F13B: variants seen among roughly 807,000 people sequenced by gnomAD.
The protein encoded by F13B is TGase.
F13B carries 58 observed loss-of-function variants against 79.8 expected under a neutral mutation model. That is an observed-to-expected ratio of 0.73 (90% CI 0.59 to 0.90). The LOEUF is 0.90. Ranked by LOEUF, F13B falls within the 40% of genes least tolerant of loss-of-function variation. The pLI, the probability that F13B is intolerant of heterozygous loss-of-function variation, is 0.00. For missense variants in F13B, 773 were observed against 777.0 expected, an observed-to-expected ratio of 0.99 and a Z score of 0.06; for synonymous variants, 283 against 260.3, an observed-to-expected ratio of 1.09 and a Z score of -0.84.
intron 1 of F13B, among the ~76,000 whole-genome samples, chr1:197,065,539 T>C (rs1571573390): frequency 6.6e-6 from 1 of 152,114 alleles, no homozygotes; most frequent in Non-Finnish European, 1.5e-5. Context: ...ATATGAGGTG[T>C]TGGTGAGAAT....
At chr1:197,056,142 A>T (rs1025337139) in intron 7 of F13B, among the ~76,000 whole-genome samples, 2 of 152,154 alleles carry the variant, frequency 1.3e-5, no homozygotes, top group Non-Finnish European at 2.9e-5. Context: ...TGAAGGAATT[A>T]TGATATACAC....
intron 10 of F13B, among the ~76,000 whole-genome samples, chr1:197,047,984 CT>C (rs1655296282): frequency 6.6e-6 from 1 of 151,972 alleles, no homozygotes; most frequent in African/African-American, 2.4e-5. Context: ...ACACCAGGGC[CT>C]GTCTGTGGGG....
chr1:197,046,490 C>T (rs1389120241), intron 10 of F13B, among the ~76,000 whole-genome samples: 1 of 152,094 alleles, frequency 6.6e-6, no homozygotes, highest in Non-Finnish European at 1.5e-5. Context: ...AACTACTAAC[C>T]ACTGCCCAAC....
At chr1:197,054,831 CT>C (rs1312558505) in intron 8 of F13B, among the ~76,000 whole-genome samples, 1 of 151,934 alleles carries the variant, frequency 6.6e-6, no homozygotes, top group East Asian at 1.9e-4. Flanking sequence ...GCAGAACAAA[CT>C]TTCTGATAGA....
In F13B at chr1:197,060,930, T is replaced by C; in HGVS notation, c.597A>G (p.Thr199=). The C allele has an allele frequency of 6.2e-7, 1 of 1,613,306 alleles. No individual in the cohort carries two copies. Among genetic ancestry groups the C allele is most frequent in the Non-Finnish European group, 8.5e-7 (1 of 1,179,472 alleles). ...GKKTEEVECL[T]YGWSLTPKCT... ...ATTTTGGTGTGAGAGACCATCCGTA[T>C]GTGAGACATTCTACCTCCTCTGTCT... Residue 199 remains threonine (T), a synonymous_variant, in exon 4 of 12, where the codon ACA becomes ACG. Coordinates refer to ENST00000367412, the MANE Select transcript of F13B (RefSeq NM_001994.3).
intron 1 of F13B, 50 bp downstream of exon 1, chr1:197,067,110 T>C (rs1370619314): frequency 9.4e-7 from 1 of 1,060,996 alleles, no homozygotes; most frequent in Admixed American, 1.8e-5. Context: ...AATATTAGAA[T>C]CTCCATTTGT....
intron 4 of F13B, 43 bp from the exon 5 acceptor site, chr1:197,060,585 T>G (rs1655816134): frequency 1.4e-6 from 2 of 1,394,176 alleles, no homozygotes; most frequent in South Asian, 2.5e-5. Flanking sequence ...AAATGTTTAT[T>G]TTTTCTGCTA....
At chr1:197,065,503 T>C (rs1332995671) in intron 1 of F13B, among the ~76,000 whole-genome samples, 1 of 152,148 alleles carries the variant, frequency 6.6e-6, no homozygotes, top group African/African-American at 2.4e-5. Context: ...TGAATAACCA[T>C]ATAGCAACCA....
At chr1:197,050,952 GAC>G in intron 9 of F13B, 73 bp from the exon 10 acceptor site, 1 of 1,294,660 alleles carries the variant, frequency 7.7e-7, no homozygotes. Context: ...GTGCTACAGA[GAC>G]AGAGTCTCCC....
At chr1:197,040,442 A>G (rs182784658) in intron 11 of F13B, 80 bp downstream of exon 11, 1 of 978,616 alleles carries the variant, frequency 1.0e-6, no homozygotes, top group African/African-American at 1.6e-5. Context: ...TATGAGTGGT[A>G]TAGAACATAA....
chr1:197,052,794 G>C lies in F13B; in HGVS notation c.1395C>G (p.Asn465Lys). The stretch of plus-strand genomic sequence containing the variant: ...CTTCATATTTCCACTTCATTTCTAT[G>C]TTATTTCTGTTCATGTAATCCACAT... ...TVNVDYMNRN[N>K]IEMKWKYEGK... The change falls in exon 9 of 12, where the codon AAC becomes AAG. Residue 465 changes from asparagine (N) to lysine (K), a missense_variant. By Grantham distance (94) the Asn-to-Lys change is moderately conservative (BLOSUM62 0). Transcript: ENST00000367412. 1 of 1,610,190 alleles carries C rather than the reference G, an allele frequency of 6.2e-7. No homozygotes were observed. The highest frequency in any genetic ancestry group is 8.5e-7 in the Non-Finnish European group (1 of 1,178,400).
At chr1:197,049,524 T>A (rs987849864) in intron 10 of F13B, among the ~76,000 whole-genome samples, 1 of 152,042 alleles carries the variant, frequency 6.6e-6, no homozygotes, top group Non-Finnish European at 1.5e-5. Context: ...CTACCAAAAC[T>A]GACAGAAGAA....
At chr1:197,045,837 C>T (rs1392626260) in intron 10 of F13B, among the ~76,000 whole-genome samples, 5 of 152,188 alleles carry the variant, frequency 3.3e-5, no homozygotes, top group Admixed American at 2.6e-4. Context: ...GGCTTCATCC[C>T]TGGGATGCAA....
intron 7 of F13B, 127 bp downstream of exon 7, chr1:197,056,886 G>T: frequency 1.2e-6 from 1 of 837,192 alleles, no homozygotes; most frequent in Non-Finnish European, 1.9e-6. Flanking sequence ...AAGAGTAGGT[G>T]CTGTAGCAAT....
Position 197,046,564 on chromosome 1 carries a change from A to G in F13B, c.1738+4133T>C, listed in dbSNP as rs77367017. ...ATGCTCATGGATAGGAAGAATCAAT[A>G]TCGTGAAAATGGCCATGCTGCCTAA... On this transcript the variant is annotated intron_variant, in intron 10 of 11. Transcript: ENST00000367412. Among the ~76,000 whole-genome samples, 4 of 152,334 alleles carry G rather than the reference A, an allele frequency of 2.6e-5. No individual in the cohort carries two copies. In the East Asian group the frequency reaches 7.7e-4, roughly 29 times the overall value.
chr1:197,057,445 G>A lies in F13B; in HGVS notation c.826C>T (p.Pro276Ser). 2 of 1,613,828 alleles carry A rather than the reference G, an allele frequency of 1.2e-6. No individual in the cohort carries two copies. The highest frequency in any genetic ancestry group is 1.7e-6 in the Non-Finnish European group (2 of 1,179,838). ...VCEGRRNRCP[P>S]PPLPINSKIQ... is the part of the protein sequence containing the mutation. ...TTGGAGTTTATGGGCAGAGGTGGAG[G>A]AGGACATCTGTTTCTTCTTCCTTAT... Residue 276 changes from proline (P) to serine (S), a missense_variant, in exon 6 of 12, where the codon CCT becomes TCT. Physicochemically the swap from Pro to Ser is moderately conservative, Grantham distance 74. Coordinates refer to ENST00000367412, the MANE Select transcript of F13B (RefSeq NM_001994.3).
chr1:197,063,543 C>T (rs1213768266), intron 1 of F13B, among the ~76,000 whole-genome samples: 3 of 152,048 alleles, frequency 2.0e-5, no homozygotes, highest in Admixed American at 1.3e-4. Flanking sequence ...TGGTCTCAAA[C>T]TCCTGGACTC....
intron 10 of F13B, among the ~76,000 whole-genome samples, chr1:197,043,000 G>A (rs925439600): frequency 1.3e-5 from 2 of 151,828 alleles, no homozygotes; most frequent in African/African-American, 4.8e-5. Flanking sequence ...AAGCAGCCAG[G>A]ACTTGAAGAA....
At chr1:197,046,935 G>C (rs1049598936) in intron 10 of F13B, among the ~76,000 whole-genome samples, 2 of 152,150 alleles carry the variant, frequency 1.3e-5, no homozygotes, top group Non-Finnish European at 2.9e-5. Context: ...CATAAATGGT[G>C]TTGGGAAAAC....
Sources: gnomAD v4.1 joint callset for allele counts (sites outside exome capture counted in the v4.1 genomes callset) on GRCh38, gnomAD v4.1.1 for gene constraint, MANE v1.5 for transcripts, NCBI Gene and HGNC (gene_info 2026-07-23, HGNC 2026-07-21) for gene names.